ANK2: variants seen among roughly 807,000 people sequenced by gnomAD.
ANK2 encodes ankyrin 2, also known as ankyrin-2.
In ANK2, 83 loss-of-function variants were observed where a neutral mutation model predicts 360.5. The observed-to-expected ratio is 0.23, with a 90% CI of 0.19 to 0.28. The LOEUF (loss-of-function observed/expected upper bound fraction) is 0.28, where lower values mean the gene tolerates loss of function less well. Among genes scored for constraint, ANK2 ranks in the 10% least tolerant of loss-of-function variants. ANK2 has a pLI of 1.00. For missense variants in ANK2, 4,201 were observed against 4,795.7 expected, an observed-to-expected ratio of 0.88 and a Z score of 3.66; for synonymous variants, 1,740 against 1,759.5, an observed-to-expected ratio of 0.99 and a Z score of 0.28.
chr4:113,292,598 G>A, intron 21 of ANK2, 84 bp downstream of exon 21: 6 of 1,334,770 alleles, frequency 4.5e-6, no homozygotes, highest in African/African-American at 1.5e-5. Context: ...GCTGAGTGAG[G>A]TCAGATTCCT....
rs1232729014 is a variant in ANK2, at chr4:113,333,092, G to A, written c.3263G>A (p.Arg1088Gln). Reference sequence around the variant, plus strand: ...GAGATCCCTCACTTTGCGGCCCTTCGAGGAAAGGAAAGGGAACTGGTGGTC... The same window carrying A: ...GAGATCCCTCACTTTGCGGCCCTTCAAGGAAAGGAAAGGGAACTGGTGGTC... ...IVEIPHFAAL[R>Q]GKERELVVLR... Residue 1088 changes from arginine (R) to glutamine (Q), a missense_variant, in exon 29 of 46, where the codon CGA becomes CAA. Coordinates refer to ENST00000357077, the MANE Select transcript of ANK2 (RefSeq NM_001148.6). The A allele has an allele frequency of 4.3e-6, 7 of 1,614,018 alleles. No homozygotes were observed. Among genetic ancestry groups the A allele is most frequent in the South Asian group, 2.2e-5 (2 of 91,080 alleles).
At chr4:113,314,113 T>A (rs2081540578) in intron 24 of ANK2, among the ~76,000 whole-genome samples, 1 of 152,198 alleles carries the variant, frequency 6.6e-6, no homozygotes, top group South Asian at 2.1e-4. Flanking sequence ...ATACATACAA[T>A]TTAATGTACA....
intron 20 of ANK2, among the ~76,000 whole-genome samples, chr4:113,291,848 C>T (rs1188002955): frequency 2.6e-5 from 4 of 152,068 alleles, no homozygotes; most frequent in East Asian, 3.9e-4. Flanking sequence ...AGTTTCATCA[C>T]GTCTGAAATG....
chr4:112,922,995 A>G (rs2091884216), intron 2 of ANK2, among the ~76,000 whole-genome samples: 1 of 152,302 alleles, frequency 6.6e-6, no homozygotes, highest in African/African-American at 2.4e-5. Flanking sequence ...TCTAGCTACA[A>G]AAAATACCTT....
At chr4:113,268,869 G>A (rs562291895) in intron 14 of ANK2, among the ~76,000 whole-genome samples, 12 of 152,226 alleles carry the variant, frequency 7.9e-5, no homozygotes, top group South Asian at 2.1e-4. Context: ...CTGTGAATCC[G>A]TCTGGTCCTG....
intron 2 of ANK2, among the ~76,000 whole-genome samples, chr4:112,956,858 G>T (rs1341736332): frequency 6.6e-6 from 1 of 152,020 alleles, no homozygotes; most frequent in Non-Finnish European, 1.5e-5. Flanking sequence ...GAATGAAGTG[G>T]GTAAAGATGT....
intron 2 of ANK2, among the ~76,000 whole-genome samples, chr4:113,193,091 G>A (rs1241173787): frequency 6.6e-6 from 1 of 152,086 alleles, no homozygotes; most frequent in Non-Finnish European, 1.5e-5. Context: ...TCTTATTCTA[G>A]CCCTTTTTCA....
chr4:113,177,352 T>A (rs963447815), intron 2 of ANK2, among the ~76,000 whole-genome samples: 4 of 152,202 alleles, frequency 2.6e-5, no homozygotes, highest in African/African-American at 9.6e-5. Context: ...AGTGCTGGGA[T>A]TACAGGCGTG....
At chr4:113,366,423 T>G (rs1223131407) in intron 41 of ANK2, among the ~76,000 whole-genome samples, 1 of 147,736 alleles carries the variant, frequency 6.8e-6, no homozygotes, top group Non-Finnish European at 1.5e-5. Context: ...TTAACTTTAC[T>G]GGCTGTTTCT....
intron 1 of ANK2, among the ~76,000 whole-genome samples, chr4:113,128,284 G>A (rs1439465287): frequency 1.3e-5 from 2 of 152,102 alleles, no homozygotes; most frequent in Admixed American, 1.3e-4. Context: ...AGTTAATAAT[G>A]ATAATTATTT....
intron 2 of ANK2, among the ~76,000 whole-genome samples, chr4:113,009,266 T>G (rs1334713456): frequency 6.6e-6 from 1 of 152,218 alleles, no homozygotes; most frequent in African/African-American, 2.4e-5. Flanking sequence ...TGTTCTTTAG[T>G]TTAAATATAT....
At position 113,124,221 on chromosome 4, in the gene ANK2, G is replaced by GATTT. The variant is rs2095532462; in HGVS notation, c.85-50193_85-50190dup. Among the ~76,000 whole-genome samples the GATTT allele has an allele frequency of 2.6e-5, 4 of 152,292 alleles. No individual in the cohort carries two copies. The South Asian group carries it at 8.3e-4, about 32-fold the overall frequency. ...AAAGAACTCAAGTTAGTGTCCTAGGGATTTAATTGGTAGCTTAGCAGCCTT... is the reference window on the plus strand; with the variant it reads ...AAAGAACTCAAGTTAGTGTCCTAGGGATTTATTTAATTGGTAGCTTAGCAGCCTT... On this transcript the variant is annotated intron_variant, in intron 1 of 45. Transcript: ENST00000357077.
the ANK2 span, among the ~76,000 whole-genome samples, chr4:112,718,764 A>C: frequency 3.3e-5 from 5 of 151,962 alleles, no homozygotes; most frequent in Non-Finnish European, 7.4e-5. Context: ...CAGCTTCCCA[A>C]GTGGCTGGGA....
rs2095864228 is a variant in ANK2 at position 113,357,433 on chromosome 4, A to G, written c.8815A>G (p.Ser2939Gly). The G allele has an allele frequency of 6.2e-7, 1 of 1,614,104 alleles. No individual in the cohort carries two copies. The highest frequency in any genetic ancestry group is 2.2e-5 in the East Asian group (1 of 44,876). ...ENVPSQSFFSSEESKTQTDAN... is the reference protein window; with the variant it reads ...ENVPSQSFFSGEESKTQTDAN... ...TGTCCCTTCCCAATCTTTTTTCTCTAGTGAAGAAAGCAAAACCCAAACAGA... is the reference window on the plus strand; with the variant it reads ...TGTCCCTTCCCAATCTTTTTTCTCTGGTGAAGAAAGCAAAACCCAAACAGA... Residue 2939 changes from serine to glycine, a missense_variant, in exon 38 of 46, where the codon AGT (serine) becomes GGT (glycine). By Grantham distance (56) the Ser-to-Gly change is moderately conservative. Coordinates refer to ENST00000357077, the MANE Select transcript of ANK2 (RefSeq NM_001148.6).
intron 2 of ANK2, among the ~76,000 whole-genome samples, chr4:113,033,575 A>C (rs2060897614): frequency 6.6e-6 from 1 of 151,972 alleles, no homozygotes. Context: ...CTCTTATAAT[A>C]GTTACAATTT....
chr4:112,810,293 T>C, the ANK2 span, among the ~76,000 whole-genome samples: 505 of 151,184 alleles, frequency 3.3e-3, 2 homozygotes, highest in African/African-American at 0.011. Context: ...TGAACCACTG[T>C]GCCTGGCCAA....
At chr4:113,222,964 T>C (rs1179514303) in intron 4 of ANK2, among the ~76,000 whole-genome samples, 1 of 152,214 alleles carries the variant, frequency 6.6e-6, no homozygotes. Context: ...TATATAATCA[T>C]ATATTTTGTC....
chr4:113,120,853 A>C (rs965100926), intron 1 of ANK2, among the ~76,000 whole-genome samples: 22 of 152,148 alleles, frequency 1.4e-4, no homozygotes, highest in African/African-American at 5.3e-4. Context: ...GTAAGAACAT[A>C]AAGTATATAT....
At chr4:113,240,360 C>A in intron 7 of ANK2, 125 bp from the exon 8 acceptor site, 1 of 731,454 alleles carries the variant, frequency 1.4e-6, no homozygotes, top group Non-Finnish European at 2.5e-6. Context: ...TAAGATCTTA[C>A]TAAAGCATTT....
Sources: allele counts gnomAD v4.1 joint callset (sites outside exome capture counted in the v4.1 genomes callset), GRCh38; gene constraint gnomAD v4.1.1; transcripts MANE v1.5; gene names NCBI Gene and HGNC (gene_info 2026-07-23, HGNC 2026-07-21).